CCDC25: variants seen among roughly 807,000 people sequenced by gnomAD.
CCDC25 encodes coiled-coil domain containing 25.
A neutral mutation model predicts 35.3 loss-of-function variants in CCDC25; 16 were observed. The ratio of observed to expected loss-of-function variants is 0.45; its 90% CI spans 0.31 to 0.69. CCDC25 has a LOEUF of 0.69. Among genes scored for constraint, CCDC25 ranks in the 30% least tolerant of loss-of-function variants. The pLI is 0.06. For missense variants in CCDC25, 179 were observed against 250.7 expected (o/e 0.71, Z 1.93); for synonymous variants, 79 against 80.3 (o/e 0.98, Z 0.09).
At chr8:27,753,193 T>C (rs928697913) in intron 4 of CCDC25, among the ~76,000 whole-genome samples, 1 of 152,152 alleles carries the variant, frequency 6.6e-6, no homozygotes, top group Non-Finnish European at 1.5e-5. Flanking sequence ...ATGCCCCTTT[T>C]ACAGATGCAG....
At chr8:27,755,965 A>G (rs1259268891) in intron 4 of CCDC25, among the ~76,000 whole-genome samples, 1 of 152,234 alleles carries the variant, frequency 6.6e-6, no homozygotes, top group African/African-American at 2.4e-5. Context: ...GGGCATTAAT[A>G]GAAAGTTGGT....
intron 8 of CCDC25, 71 bp from the exon 9 acceptor site, chr8:27,736,316 TTAA>T: frequency 1.6e-6 from 2 of 1,265,404 alleles, no homozygotes; most frequent in Admixed American, 2.1e-5. Flanking sequence ...TACAATTATC[TTAA>T]TTAGCGAGCT....
chr8:27,769,065 A>G (rs1348751968), intron 1 of CCDC25, among the ~76,000 whole-genome samples: 1 of 152,206 alleles, frequency 6.6e-6, no homozygotes, highest in Non-Finnish European at 1.5e-5. Flanking sequence ...TGCAGTAAAA[A>G]CCATCAGTTA....
chr8:27,759,968 A>G (rs918842534), intron 3 of CCDC25, among the ~76,000 whole-genome samples: 4 of 152,060 alleles, frequency 2.6e-5, no homozygotes, highest in African/African-American at 9.7e-5. Context: ...ATGGTGATCA[A>G]CTCAGGATCA....
At chr8:27,759,550 A>C (rs1804141613) in intron 3 of CCDC25, among the ~76,000 whole-genome samples, 1 of 150,008 alleles carries the variant, frequency 6.7e-6, no homozygotes. Context: ...TGGAGGTTAC[A>C]TTGGGCTAAG....
rs1804646089 is a variant in CCDC25 at position 27,772,186 on chromosome 8, G to A, written c.28+327C>T. On this transcript the variant is annotated intron_variant, in intron 1 of 8. Coordinates refer to ENST00000356537, the MANE Select transcript of CCDC25 (RefSeq NM_018246.3). ...AGATGGAAGGTGGGAAGAAGACTTG[G>A]GATAAGGTGTGTGGAGGAGCCCACA... The A allele has an allele frequency of 8.8e-6, 4 of 456,660 alleles. No homozygotes were observed. The East Asian group carries it at 1.5e-4, about 18-fold the overall frequency. The allele number at this position is 456,660 out of a possible 1,614,324, so 28.3% of individuals were successfully genotyped here.
intron 4 of CCDC25, chr8:27,756,484 G>A: frequency 2.1e-6 from 1 of 478,816 alleles, no homozygotes; most frequent in South Asian, 2.5e-5. Flanking sequence ...GGAAGTGACA[G>A]GATAAGCAGT....
At chr8:27,742,165 C>A (rs1735084242) in intron 7 of CCDC25, among the ~76,000 whole-genome samples, 2 of 152,106 alleles carry the variant, frequency 1.3e-5, no homozygotes, top group Admixed American at 1.3e-4. Context: ...TAGTGAGATA[C>A]CCAAGTAAAT....
At chr8:27,741,251 C>CCCTGTGCTAA (rs1306925206) in intron 7 of CCDC25, among the ~76,000 whole-genome samples, 5 of 152,116 alleles carry the variant, frequency 3.3e-5, no homozygotes, top group African/African-American at 1.2e-4. Flanking sequence ...GTGCATAAGA[C>CCCTGTGCTAA]CCTGTGCTAA....
intron 4 of CCDC25, among the ~76,000 whole-genome samples, chr8:27,756,046 C>T (rs963434265): frequency 4.6e-5 from 7 of 152,180 alleles, no homozygotes; most frequent in Non-Finnish European, 8.8e-5. Context: ...CTTGACAAAT[C>T]TACCATAGTA....
At chr8:27,754,488 G>C (rs1803927159) in intron 4 of CCDC25, 1 of 152,332 alleles carries the variant, frequency 6.6e-6, no homozygotes, top group African/African-American at 2.4e-5. Flanking sequence ...AAAATGATGT[G>C]TTTTTGTTGT....
chr8:27,738,074 A>G (rs1231088978), intron 8 of CCDC25, among the ~76,000 whole-genome samples: 2 of 152,166 alleles, frequency 1.3e-5, no homozygotes, highest in Non-Finnish European at 1.5e-5. Flanking sequence ...GAGGATGCAA[A>G]GGCGTAAGAA....
intron 8 of CCDC25, among the ~76,000 whole-genome samples, chr8:27,738,606 GT>G (rs1803333955): frequency 2.0e-5 from 1 of 49,350 alleles, no homozygotes; most frequent in Admixed American, 2.5e-4. Flanking sequence ...AGGTAGGTGT[GT>G]GTGTGTGTGT....
At chr8:27,762,680 T>A (rs1233426504) in intron 2 of CCDC25, among the ~76,000 whole-genome samples, 1 of 152,026 alleles carries the variant, frequency 6.6e-6, no homozygotes, top group Non-Finnish European at 1.5e-5. Flanking sequence ...ATATAATACT[T>A]CTAATCTAAA....
At chr8:27,750,794 G>A (rs184962610) in intron 5 of CCDC25, among the ~76,000 whole-genome samples, 14 of 152,322 alleles carry the variant, frequency 9.2e-5, no homozygotes, top group Admixed American at 7.8e-4. Flanking sequence ...GCTGACCTAA[G>A]ATTCTAGACC....
intron 1 of CCDC25, among the ~76,000 whole-genome samples, chr8:27,770,362 G>A (rs1046443947): frequency 1.8e-4 from 28 of 152,166 alleles, no homozygotes; most frequent in Non-Finnish European, 3.1e-4. Context: ...AGGAGATGGA[G>A]GTTGCAGTAA....
At chr8:27,748,354 G>A (rs1803676974) in intron 6 of CCDC25, 75 bp from the exon 7 acceptor site, 1 of 1,415,060 alleles carries the variant, frequency 7.1e-7, no homozygotes, top group African/African-American at 1.4e-5. Flanking sequence ...AGGCTTTCCA[G>A]GGGTTTAGCA....
intron 3 of CCDC25, among the ~76,000 whole-genome samples, chr8:27,761,661 T>C (rs1804233084): frequency 6.6e-6 from 1 of 151,986 alleles, no homozygotes; most frequent in African/African-American, 2.4e-5. Context: ...TCAGAGTCAG[T>C]GGTGGAAGCT....
chr8:27,756,790 C>T lies in CCDC25; in HGVS notation c.117-20G>A. 1 of 1,594,426 alleles carries T rather than the reference C, an allele frequency of 6.3e-7. No homozygotes were observed. Among genetic ancestry groups the T allele is most frequent in the Non-Finnish European group, 8.6e-7 (1 of 1,162,178 alleles). On this transcript the variant is annotated intron_variant, in intron 3 of 8. Coordinates refer to ENST00000356537, the MANE Select transcript of CCDC25 (RefSeq NM_018246.3). Reference sequence around the variant, plus strand: ...TGAAACCTACAAAGAATGAAAACCACTTTTAGCAAGAGGTACAAGACAATC... The same window carrying T: ...TGAAACCTACAAAGAATGAAAACCATTTTTAGCAAGAGGTACAAGACAATC...
Sources: gnomAD v4.1 joint callset for allele counts (sites outside exome capture counted in the v4.1 genomes callset) on GRCh38, gnomAD v4.1.1 for gene constraint, MANE v1.5 for transcripts, NCBI Gene and HGNC (gene_info 2026-07-23, HGNC 2026-07-21) for gene names.